The following CYFIP1 variants were observed in gnomAD, a reference collection of about 807,000 sequenced individuals.
The protein encoded by CYFIP1 is cytoplasmic FMR1 interacting protein 1, also known as cytoplasmic FMR1-interacting protein 1.
A neutral mutation model predicts 163.5 loss-of-function variants in CYFIP1; 58 were observed. The ratio of observed to expected loss-of-function variants is 0.35; its 90% CI spans 0.29 to 0.44. The LOEUF (loss-of-function observed/expected upper bound fraction) is 0.44. Among genes scored for constraint, CYFIP1 ranks in the 20% least tolerant of loss-of-function variants. CYFIP1 has a pLI of 1.00. For synonymous variants in CYFIP1, 663 were observed against 660.7 expected, an observed-to-expected ratio of 1.00 and a Z score of -0.05; for missense variants, 1,338 against 1,653.8, an observed-to-expected ratio of 0.81 and a Z score of 3.31.
At chr15:22,976,557 T>C (rs1033343349) in intron 1 of CYFIP1, among the ~76,000 whole-genome samples, 1 of 131,468 alleles carries the variant, frequency 7.6e-6, no homozygotes, top group African/African-American at 2.5e-5. Context: ...CTGCCTACAG[T>C]CAACTGCCCT....
chr15:22,910,600 C>G lies in CYFIP1; in HGVS notation c.2188G>C (p.Glu730Gln). The change falls in exon 20 of 31, where the codon GAA becomes CAA. Residue 730 changes from glutamate (E) to glutamine (Q), a missense_variant. Transcript: ENST00000617928. ...ATCGTGGCTCCCTGATTCTTGCATT[C>G]TGATCGTAACCGTTTATCAAGAAGC... Reference protein sequence around the residue: ...SLLLDKRLRSECKNQGATIHL... With the variant: ...SLLLDKRLRSQCKNQGATIHL... 1 of 1,614,158 alleles carries G rather than the reference C, an allele frequency of 6.2e-7. No individual in the cohort carries two copies. Among genetic ancestry groups the G allele is most frequent in the Non-Finnish European group, 8.5e-7 (1 of 1,179,990 alleles).
At chr15:22,907,666 C>T (rs1004247388) in intron 21 of CYFIP1, among the ~76,000 whole-genome samples, 1 of 152,238 alleles carries the variant, frequency 6.6e-6, no homozygotes, top group Non-Finnish European at 1.5e-5. Context: ...GGGAAGACAA[C>T]CAGCCCATTC....
At chr15:22,938,923 T>TAAA (rs56169420) in intron 8 of CYFIP1, among the ~76,000 whole-genome samples, 2 of 74,376 alleles carry the variant, frequency 2.7e-5, no homozygotes, top group Non-Finnish European at 5.2e-5. Flanking sequence ...AAAAGCAGCT[T>TAAA]AAAAAAAAAA....
rs148510119 is a variant in CYFIP1 at position 22,945,108 on chromosome 15, G to A, written c.208-169C>T. On this transcript the variant is annotated intron_variant, in intron 3 of 30. Coordinates refer to ENST00000617928, the MANE Select transcript of CYFIP1 (RefSeq NM_014608.6). ...GTGACACTGAGGTGCGGCGCTGGGG[G>A]CCACAATGACCACCCAAAACACCCC... 2.0e-5 allele frequency among the ~76,000 whole-genome samples: 3 copies of A among 152,156 alleles called. No individual in the cohort carries two copies. In the South Asian group the frequency reaches 6.2e-4, roughly 32 times the overall value.
rs149572452 is a variant in CYFIP1, at chr15:22,913,461, T to C, written c.1986-1186A>G. Among the ~76,000 whole-genome samples, 488 of 113,112 alleles carry C rather than the reference T, an allele frequency of 4.3e-3. 4 individuals carry two copies. Among genetic ancestry groups the C allele is most frequent in the African/African-American group, 0.016 (462 of 28,152 alleles). The allele number at this position is 113,112 out of a possible 152,430, so 74.2% of individuals were successfully genotyped here. Reference sequence around the variant, plus strand: ...GAGAATTGCTTGAACCCGGGAGGCATAGGTTGCAATGAGCTGAGATTGTGC... The same window carrying C: ...GAGAATTGCTTGAACCCGGGAGGCACAGGTTGCAATGAGCTGAGATTGTGC... On this transcript the variant is annotated intron_variant, in intron 17 of 30. Coordinates refer to ENST00000617928, the MANE Select transcript of CYFIP1 (RefSeq NM_014608.6).
chr15:22,909,462 G>C, intron 20 of CYFIP1, 149 bp from the exon 21 acceptor site: 1 of 881,570 alleles, frequency 1.1e-6, no homozygotes, highest in Non-Finnish European at 1.7e-6. Flanking sequence ...CCACATACAT[G>C]GCAGCCTGTG....
At position 22,933,365 on chromosome 15, in the gene CYFIP1, AGT is replaced by A. The variant is rs563796655; in HGVS notation, c.992+435_992+436del. 2.7e-3 allele frequency among the ~76,000 whole-genome samples: 398 copies of A among 148,912 alleles called. 1 individual carries two copies. The highest frequency in any genetic ancestry group is 3.0e-3 in the Non-Finnish European group (201 of 67,368). ...AGTCTTGCTCTGTCGCCCAGGTTGG[AGT>A]GCAGTGGCGCGATCTCTGCTCACTG... On this transcript the variant is annotated intron_variant, in intron 10 of 30. Coordinates refer to ENST00000617928, the MANE Select transcript of CYFIP1 (RefSeq NM_014608.6).
chr15:22,875,430 C>T (rs1335933821), intron 26 of CYFIP1, 159 bp from the exon 27 acceptor site: 13 of 715,530 alleles, frequency 1.8e-5, no homozygotes, highest in East Asian at 1.3e-4. Context: ...GAAATGCTTC[C>T]GTCTGTCCTG....
At chr15:22,928,757 C>A (rs1566985617) in intron 11 of CYFIP1, among the ~76,000 whole-genome samples, 1 of 152,114 alleles carries the variant, frequency 6.6e-6, no homozygotes, top group Non-Finnish European at 1.5e-5. Flanking sequence ...GATATTAGAA[C>A]CACACAAATA....
intron 29 of CYFIP1, 56 bp downstream of exon 29, chr15:22,873,434 TC>T: frequency 7.0e-7 from 1 of 1,428,674 alleles, no homozygotes. Flanking sequence ...ACGCCTCCCC[TC>T]CCCCACAGCT....
At chr15:22,937,020 C>G (rs2061731681) in intron 9 of CYFIP1, 84 bp downstream of exon 9, 1 of 898,852 alleles carries the variant, frequency 1.1e-6, no homozygotes, top group African/African-American at 1.7e-5. Flanking sequence ...TGATATAGAT[C>G]ACAGTCACAC....
intron 29 of CYFIP1, among the ~76,000 whole-genome samples, 167 bp from the exon 30 acceptor site, chr15:22,873,139 C>A (rs1170391445): frequency 6.6e-6 from 1 of 152,170 alleles, no homozygotes; most frequent in African/African-American, 2.4e-5. Context: ...GGTGGCTGTT[C>A]CCTGGTTTTG....
intron 26 of CYFIP1, among the ~76,000 whole-genome samples, chr15:22,878,682 A>T (rs1424996159): frequency 6.6e-6 from 1 of 151,988 alleles, no homozygotes. Context: ...ATTAAAAAAA[A>T]AAAAAAGTGC....
chr15:22,919,272 A>G (rs1007937908), intron 13 of CYFIP1, among the ~76,000 whole-genome samples: 6 of 152,210 alleles, frequency 3.9e-5, no homozygotes, highest in Admixed American at 2.0e-4. Context: ...ATTCACAGAA[A>G]AAGCCTGGAA....
chr15:22,971,096 C>T (rs1390552847), intron 1 of CYFIP1, among the ~76,000 whole-genome samples: 2 of 152,022 alleles, frequency 1.3e-5, no homozygotes, highest in Non-Finnish European at 2.9e-5. Context: ...CAAACACACA[C>T]ACAAAAAAGA....
intron 6 of CYFIP1, among the ~76,000 whole-genome samples, chr15:22,941,401 G>C (rs2061888692): frequency 6.6e-6 from 1 of 152,048 alleles, no homozygotes; most frequent in Non-Finnish European, 1.5e-5. Context: ...TGAGGTGGCG[G>C]GTGGGGAGAC....
chr15:22,892,669 C>T (rs529712437), intron 23 of CYFIP1, among the ~76,000 whole-genome samples: 13 of 152,292 alleles, frequency 8.5e-5, no homozygotes, highest in Middle Eastern at 3.4e-3. Flanking sequence ...ACACTACGTA[C>T]GCGCTAGTTC....
chr15:22,938,923 T>TAAAA (rs56169420), intron 8 of CYFIP1, among the ~76,000 whole-genome samples: 1 of 74,372 alleles, frequency 1.3e-5, no homozygotes, highest in Non-Finnish European at 2.6e-5. Flanking sequence ...AAAAGCAGCT[T>TAAAA]AAAAAAAAAA....
rs1198887233 is a variant in CYFIP1 at position 22,868,219 on chromosome 15, CTGCCTCCTCCCATGCCATTTTAA to C, written c.*1786_*1808del. On this transcript the variant is annotated 3_prime_UTR_variant, in exon 31 of 31. Coordinates refer to ENST00000617928, the MANE Select transcript of CYFIP1 (RefSeq NM_014608.6). ...GAGCTGTTTTAGATGTTTTTTCTAA[CTGCCTCCTCCCATGCCATTTTAA>C]TACTACAGATGTACTACGTATCTGT... 3.3e-5 allele frequency: 5 copies of C among 152,248 alleles called. No individual in the cohort carries two copies. The highest frequency in any genetic ancestry group is 5.9e-5 in the Non-Finnish European group (4 of 68,044). 9.4% of individuals were successfully genotyped at this position (152,248 alleles called of 1,614,324 possible). A position where few individuals can be genotyped will look rare whatever the true frequency, so the allele number is the denominator to read the frequency against.
Sources: allele counts gnomAD v4.1 joint callset (sites outside exome capture counted in the v4.1 genomes callset), GRCh38; gene constraint gnomAD v4.1.1; transcripts MANE v1.5; gene names NCBI Gene and HGNC (gene_info 2026-07-23, HGNC 2026-07-21).